The following KCNT1 variants were observed in gnomAD, a reference collection of about 807,000 sequenced individuals.
The protein encoded by KCNT1 is potassium channel subfamily T member 1.
KCNT1 carries 78 observed loss-of-function variants against 147.8 expected under a neutral mutation model. That is an observed-to-expected ratio of 0.53 (90% CI 0.44 to 0.64). The LOEUF (loss-of-function observed/expected upper bound fraction) is 0.64. KCNT1 is among the 30% of genes least tolerant of loss of function. The pLI, the probability that KCNT1 is intolerant of heterozygous loss-of-function variation, is 0.00. For synonymous variants in KCNT1, 867 were observed against 748.8 expected (o/e 1.16, Z -2.58); for missense variants, 1,419 against 1,750.3 (o/e 0.81, Z 3.38).
chr9:135,736,267 G>A (rs2131372150), intron 2 of KCNT1, among the ~76,000 whole-genome samples: 1 of 152,280 alleles, frequency 6.6e-6, no homozygotes, highest in South Asian at 2.1e-4. Context: ...CCGGCTGGAG[G>A]GCCCTGCCCT....
intron 24 of KCNT1, among the ~76,000 whole-genome samples, chr9:135,780,189 C>T (rs552187953): frequency 3.7e-4 from 56 of 151,792 alleles, no homozygotes; most frequent in African/African-American, 1.3e-3. Flanking sequence ...CCACCTTGTC[C>T]ACACGGGGGC....
chr9:135,724,938 G>C (rs1272598397), intron 2 of KCNT1, among the ~76,000 whole-genome samples: 1 of 152,242 alleles, frequency 6.6e-6, no homozygotes, highest in Non-Finnish European at 1.5e-5. Context: ...AGATCTGACA[G>C]GGTCTTCCCC....
At position 135,765,713 on chromosome 9, in the gene KCNT1, C is replaced by T; in HGVS notation, c.1290C>T (p.Ile430=). 1 of 1,610,990 alleles carries T rather than the reference C, an allele frequency of 6.2e-7. No homozygotes were observed. Among genetic ancestry groups the T allele is most frequent in the East Asian group, 2.2e-5 (1 of 44,834 alleles). ...TCCCTCTGTGGTCCCAGCGGGTCAT[C>T]TACCTCCAGGGCTCTGCACTCAAAG... ...LQIPLWSQRV[I]YLQGSALKDQ... is the part of the protein sequence containing the mutation. The change falls in exon 13 of 31, where the codon ATC becomes ATT. Residue 430 remains isoleucine, a synonymous_variant. Coordinates refer to ENST00000371757, the MANE Select transcript of KCNT1 (RefSeq NM_020822.3).
intron 2 of KCNT1, among the ~76,000 whole-genome samples, chr9:135,737,333 G>A (rs1286468405): frequency 6.6e-6 from 1 of 152,136 alleles, no homozygotes; most frequent in African/African-American, 2.4e-5. Flanking sequence ...GTGGAGCAGC[G>A]CCTACCCCTC....
At chr9:135,732,036 A>AGG (rs1836502569) in intron 2 of KCNT1, among the ~76,000 whole-genome samples, 2 of 137,258 alleles carry the variant, frequency 1.5e-5, no homozygotes, top group African/African-American at 2.7e-5. Flanking sequence ...AGAGAGAGAG[A>AGG]GAGAGGGAGT....
intron 2 of KCNT1, among the ~76,000 whole-genome samples, chr9:135,738,304 A>G (rs1190680415): frequency 2.0e-5 from 3 of 152,280 alleles, no homozygotes; most frequent in African/African-American, 7.2e-5. Flanking sequence ...CCTTTTGCAG[A>G]GCAGAGGTAA....
chr9:135,747,570 C>A (rs115617366), intron 2 of KCNT1, among the ~76,000 whole-genome samples: 1,535 of 152,204 alleles, frequency 0.01, 26 homozygotes, highest in African/African-American at 0.036. Flanking sequence ...GAGAGAAAGA[C>A]GGCGGACAGA....
rs529457119 is a variant in KCNT1 at position 135,720,599 on chromosome 9, C to A, written c.254+5879C>A. On this transcript the variant is annotated intron_variant, in intron 2 of 30. Transcript: ENST00000371757. ...CTGAAGAAGCAGGGGGCCCAGGCAG[C>A]CTTCCTCCAGAGGGAGCTTTGCTCC... Among the ~76,000 whole-genome samples, 8 of 152,224 alleles carry A rather than the reference C, an allele frequency of 5.3e-5. No homozygotes were observed. In the East Asian group the frequency reaches 1.6e-3, roughly 30 times the overall value.
rs1836367805 is a variant in KCNT1, at chr9:135,730,061, A to G, written c.254+15341A>G. 6.6e-6 allele frequency among the ~76,000 whole-genome samples: 1 copy of G among 152,110 alleles called. No homozygotes were observed. The highest frequency in any genetic ancestry group is 2.4e-5 in the African/African-American group (1 of 41,408). On this transcript the variant is annotated intron_variant, in intron 2 of 30. Transcript: ENST00000371757. This position sits in a 1 kb window ranked among gnomAD's most constrained non-coding sequence, Gnocchi z 4.7. ...TCCTCCCTCCATCAGCGTTACCCACATTCTCCTCTGCACTGTGCTGATCCT... is the reference window on the plus strand; with the variant it reads ...TCCTCCCTCCATCAGCGTTACCCACGTTCTCCTCTGCACTGTGCTGATCCT...
chr9:135,725,869 G>A (rs1002245526), intron 2 of KCNT1, among the ~76,000 whole-genome samples: 3 of 152,172 alleles, frequency 2.0e-5, no homozygotes, highest in African/African-American at 4.8e-5. Flanking sequence ...CAGAAATGCC[G>A]GAAAAGAGGC....
chr9:135,785,262 G>A lies in KCNT1; in HGVS notation c.3157-48G>A. ...GACCCCAGGCTGAGGCGGCGTGGGG[G>A]GCAGGGGTGCGCCCACAGGTCCCAG... On this transcript the variant is annotated intron_variant, in intron 27 of 30. Transcript: ENST00000371757. 6 of 1,609,660 alleles carry A rather than the reference G, an allele frequency of 3.7e-6. No individual in the cohort carries two copies. The South Asian group carries it at 5.5e-5, about 15-fold the overall frequency.
At position 135,734,942 on chromosome 9, in the gene KCNT1, C is replaced by T. The variant is rs367695658; in HGVS notation, c.255-15156C>T. Among the ~76,000 whole-genome samples the T allele has an allele frequency of 3.9e-5, 6 of 152,296 alleles. No individual in the cohort carries two copies. In the South Asian group the frequency reaches 8.3e-4, roughly 21 times the overall value. ...GGCGCCCAGGGGTGGTGCGGGGCTC[C>T]GCCTGGTCTGTTTACTCACAGCACA... On this transcript the variant is annotated intron_variant, in intron 2 of 30. Transcript: ENST00000371757.
In KCNT1 at chr9:135,702,365, C is replaced by T. The variant is rs746315219; in HGVS notation, c.107C>T (p.Pro36Leu). Residue 36 changes from proline to leucine, a missense_variant, in exon 1 of 31, where the codon CCC (proline) becomes CTC (leucine). Transcript: ENST00000371757. The part of the protein sequence containing the change: ...TFEFDDGQCA[P>L]RRPCAGDGAL... The stretch of plus-strand genomic sequence containing the variant: ...GAGTTTGACGACGGCCAATGCGCCC[C>T]CAGGTACAGTCTGCTGCGCCCTCCC... 16 of 1,610,166 alleles carry T rather than the reference C, an allele frequency of 9.9e-6. No individual in the cohort carries two copies. Among genetic ancestry groups the T allele is most frequent in the African/African-American group, 2.7e-5 (2 of 74,746 alleles).
intron 2 of KCNT1, among the ~76,000 whole-genome samples, chr9:135,720,719 G>C (rs373798786): frequency 5.3e-5 from 8 of 152,326 alleles, no homozygotes; most frequent in Non-Finnish European, 1.2e-4. Context: ...GAGAAGGCCC[G>C]GGAGCCAGCC....
At chr9:135,732,352 G>A (rs1830137677) in intron 2 of KCNT1, among the ~76,000 whole-genome samples, 1 of 152,098 alleles carries the variant, frequency 6.6e-6, no homozygotes, top group African/African-American at 2.4e-5. Context: ...AACTAGTTGA[G>A]GCTTCTACCC....
intron 29 of KCNT1, among the ~76,000 whole-genome samples, chr9:135,787,022 G>A (rs1003162762): frequency 1.8e-4 from 28 of 152,192 alleles, no homozygotes; most frequent in African/African-American, 5.8e-4. Context: ...CTGAGTTCTC[G>A]CAGAGAACAA....
intron 1 of KCNT1, among the ~76,000 whole-genome samples, chr9:135,709,670 C>T (rs537511492): frequency 3.9e-5 from 6 of 152,286 alleles, no homozygotes; most frequent in East Asian, 1.9e-4. Context: ...GAACCTCACT[C>T]ATCCATCCTT....
intron 23 of KCNT1, 74 bp from the exon 24 acceptor site, chr9:135,779,285 A>G (rs547892322): frequency 5.8e-6 from 3 of 519,648 alleles, no homozygotes; most frequent in East Asian, 5.6e-5. Context: ...CCACAGCCAC[A>G]TGATCATGGG....
intron 19 of KCNT1, among the ~76,000 whole-genome samples, chr9:135,774,034 G>GT (rs1564375560): frequency 6.6e-6 from 1 of 151,562 alleles, no homozygotes; most frequent in Non-Finnish European, 1.5e-5. Flanking sequence ...GGGTGTGTCC[G>GT]GTGTGTGTGT....
Sources: allele counts gnomAD v4.1 joint callset (sites outside exome capture counted in the v4.1 genomes callset), GRCh38; gene constraint gnomAD v4.1.1; non-coding constraint Gnocchi (gnomAD v3.1); transcripts MANE v1.5; gene names NCBI Gene and HGNC (gene_info 2026-07-23, HGNC 2026-07-21).